The following KANSL1 variants were observed in gnomAD, a reference collection of about 807,000 sequenced individuals.
KANSL1 encodes MLL1/MLL complex subunit KANSL1.
In KANSL1, 22 loss-of-function variants were observed where a neutral mutation model predicts 103.6. The ratio of observed to expected loss-of-function variants is 0.21; its 90% CI spans 0.15 to 0.30. The LOEUF (loss-of-function observed/expected upper bound fraction) is 0.30. Ranked by LOEUF, KANSL1 falls within the 10% of genes least tolerant of loss-of-function variation. The probability of loss-of-function intolerance (pLI) is 1.00; values close to 1 mark genes in which losing one functional copy is unlikely to be tolerated. For synonymous variants in KANSL1, 600 were observed against 527.6 expected (o/e 1.14, Z -1.88); for missense variants, 1,337 against 1,399.8 (o/e 0.96, Z 0.72).
At chr17:46,196,246 G>A (rs2047603217), upstream of KANSL1, 13 of 445,312 alleles carry the variant, frequency 2.9e-5, no homozygotes, top group South Asian at 1.9e-4. Flanking sequence ...AAAATGAAAA[G>A]TGATAAAAAA....
At chr17:46,071,441 A>C (rs2146704822) in intron 4 of KANSL1, among the ~76,000 whole-genome samples, 1 of 152,310 alleles carries the variant, frequency 6.6e-6, no homozygotes, top group African/African-American at 2.4e-5. Flanking sequence ...TATTAATCCC[A>C]ATCACAGTGT....
At chr17:46,119,105 T>C (rs1024624577) in intron 2 of KANSL1, among the ~76,000 whole-genome samples, 2 of 152,252 alleles carry the variant, frequency 1.3e-5, no homozygotes, top group Admixed American at 1.3e-4. Flanking sequence ...TGCTGAATGC[T>C]TCCTTTGTTC....
chr17:46,187,306 C>T (rs112828980), intron 1 of KANSL1, among the ~76,000 whole-genome samples: 2 of 152,204 alleles, frequency 1.3e-5, no homozygotes, highest in Non-Finnish European at 2.9e-5. Flanking sequence ...TAAGCTCTCC[C>T]CTTTTTAAAA....
intron 2 of KANSL1, among the ~76,000 whole-genome samples, chr17:46,112,452 A>T (rs1482660540): frequency 6.8e-6 from 1 of 147,676 alleles, no homozygotes; most frequent in Non-Finnish European, 1.5e-5. Flanking sequence ...TGGGAGGCTG[A>T]GGCGAGCGGA....
At chr17:46,130,529 T>C (rs1345765108) in intron 2 of KANSL1, among the ~76,000 whole-genome samples, 1 of 147,474 alleles carries the variant, frequency 6.8e-6, no homozygotes, top group African/African-American at 2.4e-5. Flanking sequence ...GGCTGTTTCA[T>C]ACATACAAAC....
At chr17:46,217,622 C>T (rs2048381787) in intron 1 of KANSL1, among the ~76,000 whole-genome samples, 1 of 152,128 alleles carries the variant, frequency 6.6e-6, no homozygotes, top group Admixed American at 6.5e-5. Context: ...GGCGCCGTGG[C>T]TCACGCCTGT....
intron 1 of KANSL1, among the ~76,000 whole-genome samples, chr17:46,199,289 G>C (rs1222098466): frequency 1.3e-5 from 2 of 152,204 alleles, no homozygotes; most frequent in Admixed American, 1.3e-4. Flanking sequence ...TGGTGAACTG[G>C]ATGTGCAAAC....
intron 7 of KANSL1, among the ~76,000 whole-genome samples, chr17:46,048,139 C>T (rs1383309073): frequency 6.6e-6 from 1 of 152,008 alleles, no homozygotes; most frequent in African/African-American, 2.4e-5. Flanking sequence ...AACTTCTGAC[C>T]TCAGATGATG....
At chr17:46,152,833 T>C (rs1452486665) in intron 2 of KANSL1, 1 of 152,264 alleles carries the variant, frequency 6.6e-6, no homozygotes, top group Non-Finnish European at 1.5e-5. Flanking sequence ...GTTAAGTATT[T>C]GTAAAATAAA....
intron 2 of KANSL1, among the ~76,000 whole-genome samples, chr17:46,098,334 G>C (rs933246446): frequency 6.6e-6 from 1 of 151,932 alleles, no homozygotes; most frequent in African/African-American, 2.4e-5. Context: ...ATCACCACTG[G>C]GCAACCCCAA....
chr17:46,135,216 TATG>T (rs1314480943), intron 2 of KANSL1, among the ~76,000 whole-genome samples: 3 of 151,586 alleles, frequency 2.0e-5, no homozygotes, highest in East Asian at 1.9e-4. Context: ...GATGAAATAA[TATG>T]TTGTACAGAA....
At chr17:46,077,138 A>ACC (rs1412419440) in intron 4 of KANSL1, among the ~76,000 whole-genome samples, 2 of 152,106 alleles carry the variant, frequency 1.3e-5, no homozygotes, top group African/African-American at 2.4e-5. Context: ...TGCAACCTCC[A>ACC]CCACCTGGGC....
Position 46,050,644 on chromosome 17 carries a change from C to T in KANSL1, c.1909G>A (p.Gly637Ser), listed in dbSNP as rs752154509. The T allele has an allele frequency of 1.9e-6, 3 of 1,614,178 alleles. No individual in the cohort carries two copies. The highest frequency in any genetic ancestry group is 2.5e-6 in the Non-Finnish European group (3 of 1,180,020). ...GGCATGGTGTTGATGCTGCCTGAAC[C>T]ACACAGTGCGCAGGAGGGATTCACA... is the stretch of plus-strand genomic sequence containing the variant. ...CDVNPSCALC[G>S]SGSINTMPPE... The change falls in exon 7 of 15, where the codon GGT becomes AGT. Residue 637 changes from glycine to serine, a missense_variant. Coordinates refer to ENST00000432791, the MANE Select transcript of KANSL1 (RefSeq NM_015443.4).
rs1192207190 is a variant in KANSL1 at position 46,046,504 on chromosome 17, CTGAG to C, written c.2020+4025_2020+4028del. The stretch of plus-strand genomic sequence containing the variant: ...AAAAACCACACCACTGCATTCTAGC[CTGAG>C]TGACAGAGTGAGACTCTGTCAAAAA... On this transcript the variant is annotated intron_variant, in intron 7 of 14. Coordinates refer to ENST00000432791, the MANE Select transcript of KANSL1 (RefSeq NM_015443.4). Among the ~76,000 whole-genome samples, 4 of 119,086 alleles carry C rather than the reference CTGAG, an allele frequency of 3.4e-5. No individual in the cohort carries two copies. In the Admixed American group the frequency reaches 3.6e-4, roughly 11 times the overall value. The allele number at this position is 119,086 out of a possible 152,430, so 78.1% of individuals were successfully genotyped here. A position where few individuals can be genotyped will look rare whatever the true frequency, so the allele number is the denominator to read the frequency against.
intron 2 of KANSL1, among the ~76,000 whole-genome samples, chr17:46,158,363 C>CTTT (rs67455357): frequency 1.4e-5 from 2 of 138,672 alleles, no homozygotes; most frequent in Admixed American, 7.2e-5. Context: ...CCATTAGAGA[C>CTTT]TTTTTTTTTT....
At chr17:46,220,366 G>A (rs1156511048) in intron 1 of KANSL1, among the ~76,000 whole-genome samples, 2 of 151,776 alleles carry the variant, frequency 1.3e-5, no homozygotes, top group Non-Finnish European at 2.9e-5. Flanking sequence ...ACAGGCGCCT[G>A]CCACCACGCC....
At chr17:46,216,468 G>C (rs370676916) in intron 1 of KANSL1, among the ~76,000 whole-genome samples, 1 of 151,888 alleles carries the variant, frequency 6.6e-6, no homozygotes, top group Non-Finnish European at 1.5e-5. Flanking sequence ...ATGTGGTGGC[G>C]GGCACCTGTA....
chr17:46,193,626 G>A (rs767871728), upstream of KANSL1: 6 of 299,834 alleles, frequency 2.0e-5, no homozygotes, highest in South Asian at 1.2e-4. Context: ...CGTGGCCGAT[G>A]TTTTTGTACC....
intron 2 of KANSL1, among the ~76,000 whole-genome samples, chr17:46,155,009 A>T (rs1222152028): frequency 6.6e-6 from 1 of 152,228 alleles, no homozygotes; most frequent in Admixed American, 6.5e-5. Context: ...CACAATGCTT[A>T]CTATACAATT....
Sources: gnomAD v4.1 joint callset for allele counts (sites outside exome capture counted in the v4.1 genomes callset) on GRCh38, gnomAD v4.1.1 for gene constraint, MANE v1.5 for transcripts, NCBI Gene and HGNC (gene_info 2026-07-23, HGNC 2026-07-21) for gene names.